Variants in NDUFAF6 observed in about 807,000 individuals in gnomAD.
The protein encoded by NDUFAF6 is NADH:ubiquinone oxidoreductase complex assembly factor 6, also known as NADH dehydrogenase (ubiquinone) complex I, assembly factor 6.
Under a neutral mutation model 40.8 loss-of-function variants are expected in NDUFAF6, and 45 were observed. The ratio of observed to expected loss-of-function variants is 1.10; its 90% CI spans 0.87 to 1.42. The LOEUF (loss-of-function observed/expected upper bound fraction) is 1.42. NDUFAF6 is among the 40% of genes most tolerant of loss of function. The probability of loss-of-function intolerance (pLI) is 0.00; values close to 1 mark genes in which losing one functional copy is unlikely to be tolerated. For missense variants in NDUFAF6, 435 were observed against 418.5 expected (o/e 1.04, Z -0.34); for synonymous variants, 185 against 155.9 (o/e 1.19, Z -1.39).
At chr8:94,912,812 CA>C (rs11294663) in intron 1 of NDUFAF6, among the ~76,000 whole-genome samples, 85,468 of 117,980 alleles carry the variant, frequency 0.72, 29,008 homozygotes, top group East Asian at 0.79. Flanking sequence ...GACTCCGTCT[CA>C]AAAAAAAAAA....
At chr8:95,002,529 A>T (rs1226472849) in intron 2 of NDUFAF6, among the ~76,000 whole-genome samples, 1 of 152,218 alleles carries the variant, frequency 6.6e-6, no homozygotes, top group Non-Finnish European at 1.5e-5. Context: ...AAACAATTAA[A>T]ATAAGAAGCA....
intron 1 of NDUFAF6, among the ~76,000 whole-genome samples, chr8:94,903,697 G>A (rs993191163): frequency 1.3e-5 from 2 of 152,210 alleles, no homozygotes; most frequent in Non-Finnish European, 1.5e-5. Flanking sequence ...TTTGAAACAA[G>A]TAGGGTAAAA....
chr8:95,093,523 C>A (rs925341387), intron 2 of NDUFAF6, among the ~76,000 whole-genome samples: 2 of 152,134 alleles, frequency 1.3e-5, no homozygotes, highest in African/African-American at 4.8e-5. Flanking sequence ...CAATGTATAC[C>A]CAATCACTCG....
chr8:95,036,426 A>C, intron 3 of NDUFAF6: 1 of 1,289,434 alleles, frequency 7.8e-7, no homozygotes, highest in Non-Finnish European at 1.0e-6. Context: ...GACTTCACAG[A>C]GCCCCAGTAA....
intron 3 of NDUFAF6, chr8:95,036,452 A>T (rs889007975): frequency 1.6e-6 from 2 of 1,289,226 alleles, no homozygotes. Context: ...GAAAGCCAGA[A>T]CCCCCCAACT....
chr8:95,051,998 T>TA (rs1831489977), intron 7 of NDUFAF6, among the ~76,000 whole-genome samples, 176 bp from the exon 8 acceptor site: 1 of 152,204 alleles, frequency 6.6e-6, no homozygotes, highest in Non-Finnish European at 1.5e-5. Context: ...CTACAGTAGT[T>TA]ACTTTTTCCT....
chr8:94,990,651 A>C (rs1475976703), intron 2 of NDUFAF6, among the ~76,000 whole-genome samples: 4 of 152,246 alleles, frequency 2.6e-5, no homozygotes, highest in African/African-American at 9.6e-5. Flanking sequence ...TGGACTACCC[A>C]GAGCAACAGC....
chr8:95,093,744 G>A (rs931908114), intron 2 of NDUFAF6, among the ~76,000 whole-genome samples: 1 of 152,124 alleles, frequency 6.6e-6, no homozygotes, highest in Non-Finnish European at 1.5e-5. Context: ...TCTTTCCTTA[G>A]GTCAACAGTT....
rs188471925 is a variant in NDUFAF6 at position 95,045,001 on chromosome 8, G to A, written c.478-544G>A. ...GGGGATGAGGTGGGCACTGGTTTCT[G>A]TTTTCTTTTTCTAGGTACCTTTTCC... On this transcript the variant is annotated intron_variant, in intron 4 of 8. Coordinates refer to ENST00000396124, the MANE Select transcript of NDUFAF6 (RefSeq NM_152416.4). 7.2e-5 allele frequency among the ~76,000 whole-genome samples: 11 copies of A among 152,058 alleles called. No homozygotes were observed. In the East Asian group the frequency reaches 9.7e-4, roughly 13 times the overall value.
intron 1 of NDUFAF6, among the ~76,000 whole-genome samples, chr8:94,911,051 A>G (rs1429777777): frequency 2.0e-5 from 3 of 152,236 alleles, no homozygotes; most frequent in Non-Finnish European, 4.4e-5. Flanking sequence ...ATACGTGTGT[A>G]TACATGATTA....
intron 1 of NDUFAF6, among the ~76,000 whole-genome samples, chr8:94,936,119 C>T (rs1300231385): frequency 6.6e-6 from 1 of 152,176 alleles, no homozygotes; most frequent in African/African-American, 2.4e-5. Context: ...AGAATTTCCA[C>T]ATGAGAGGCA....
intron 1 of NDUFAF6, among the ~76,000 whole-genome samples, chr8:95,026,571 A>T (rs1346915863): frequency 6.6e-6 from 1 of 152,240 alleles, no homozygotes; most frequent in Non-Finnish European, 1.5e-5. Context: ...GCCAAAAAAA[A>T]TTGTAAAAGC....
intron 3 of NDUFAF6, among the ~76,000 whole-genome samples, chr8:95,040,174 G>A (rs7013875): frequency 2.0e-5 from 3 of 151,928 alleles, no homozygotes; most frequent in South Asian, 2.1e-4. Flanking sequence ...GTATCCCCCC[G>A]ACCTCGTCTT....
chr8:95,027,825 C>T (rs373158108), intron 1 of NDUFAF6, among the ~76,000 whole-genome samples: 2 of 152,292 alleles, frequency 1.3e-5, no homozygotes, highest in Non-Finnish European at 2.9e-5. Context: ...TTGTTTTGGA[C>T]GTGCATTTTA....
Position 94,931,611 on chromosome 8 carries a change from T to C in NDUFAF6, c.-935-13872T>C, listed in dbSNP as rs58251489. On this transcript the variant is annotated intron_variant, in intron 1 of 14. Transcript: ENST00000396113. ...TTACACACACACACACACACACACA[T>C]AAAATTTTTTTAAAGTAGAATTTTA... Among the ~76,000 whole-genome samples, 454 of 137,150 alleles carry C rather than the reference T, an allele frequency of 3.3e-3. 3 individuals are homozygous for C. Among genetic ancestry groups the C allele is most frequent in the African/African-American group, 0.012 (383 of 32,428 alleles). The allele number at this position is 137,150 out of a possible 152,430, so 90.0% of individuals were successfully genotyped here.
At chr8:94,909,630 C>CA (rs908860570) in intron 1 of NDUFAF6, among the ~76,000 whole-genome samples, 11 of 150,630 alleles carry the variant, frequency 7.3e-5, no homozygotes, top group Non-Finnish European at 1.2e-4. Context: ...ATCTCAAAAA[C>CA]AAAAAAAAAT....
chr8:95,017,323 T>C (rs1374602368), intron 2 of NDUFAF6, among the ~76,000 whole-genome samples: 1 of 152,026 alleles, frequency 6.6e-6, no homozygotes, highest in Non-Finnish European at 1.5e-5. Context: ...TGTGGAGTCA[T>C]GTAGAGTCAT....
rs559657402 is a variant in NDUFAF6 at position 94,967,548 on chromosome 8, A to G, written c.-199+9369A>G. 8.5e-5 allele frequency among the ~76,000 whole-genome samples: 13 copies of G among 152,226 alleles called. No individual in the cohort carries two copies. The South Asian group carries it at 2.3e-3, about 27-fold the overall frequency. On this transcript the variant is annotated intron_variant, in intron 1 of 9. Coordinates refer to the NDUFAF6 transcript ENST00000396111. ...TGAAACTCAGAGGCTTAAAACAGCA[A>G]GTATTTATTATTTTACAGTTTCTGT... is the stretch of plus-strand genomic sequence containing the variant.
At chr8:94,901,126 G>T (rs185662857) in intron 1 of NDUFAF6, among the ~76,000 whole-genome samples, 1 of 152,234 alleles carries the variant, frequency 6.6e-6, no homozygotes, top group African/African-American at 2.4e-5. Context: ...CATACAAATA[G>T]GAAGGAAGAA....
Sources: gnomAD v4.1 joint callset for allele counts (sites outside exome capture counted in the v4.1 genomes callset) on GRCh38, gnomAD v4.1.1 for gene constraint, MANE v1.5 for transcripts, NCBI Gene and HGNC (gene_info 2026-07-23, HGNC 2026-07-21) for gene names.